RPS6KC1: variants seen among roughly 807,000 people sequenced by gnomAD.
RPS6KC1 encodes the protein ribosomal protein S6 kinase C1.
RPS6KC1 carries 54 observed loss-of-function variants against 103.8 expected under a neutral mutation model. That is an observed-to-expected ratio of 0.52 (90% CI 0.42 to 0.65). The LOEUF (loss-of-function observed/expected upper bound fraction) is 0.65, where lower values mean the gene tolerates loss of function less well. Among genes scored for constraint, RPS6KC1 ranks in the 30% least tolerant of loss-of-function variants. RPS6KC1 has a pLI of 0.00. For missense variants in RPS6KC1, 1,151 were observed against 1,253.8 expected (o/e 0.92, Z 1.24); for synonymous variants, 439 against 438.7 (o/e 1.00, Z -0.01).
chr1:213,734,272 A>C, the RPS6KC1 span, among the ~76,000 whole-genome samples: 1 of 152,228 alleles, frequency 6.6e-6, no homozygotes, highest in Non-Finnish European at 1.5e-5. Flanking sequence ...CTTTGTCATG[A>C]AATAACCTCA....
chr1:213,132,645 C>T (rs2085775346), intron 6 of RPS6KC1, among the ~76,000 whole-genome samples: 1 of 152,096 alleles, frequency 6.6e-6, no homozygotes, highest in Non-Finnish European at 1.5e-5. Context: ...AAAGTTTGTT[C>T]TGGGGTAACA....
At chr1:213,437,652 A>G in the RPS6KC1 span, among the ~76,000 whole-genome samples, 1 of 152,016 alleles carries the variant, frequency 6.6e-6, no homozygotes, top group Non-Finnish European at 1.5e-5. Flanking sequence ...TACTAAATAG[A>G]TACACACTAT....
At chr1:213,204,403 C>T (rs1009770109) in intron 8 of RPS6KC1, among the ~76,000 whole-genome samples, 2 of 151,996 alleles carry the variant, frequency 1.3e-5, no homozygotes, top group Admixed American at 1.3e-4. Flanking sequence ...TTTTTAATAA[C>T]CAGAAAGATA....
chr1:213,070,601 A>G (rs559817504), intron 1 of RPS6KC1, among the ~76,000 whole-genome samples: 3 of 152,334 alleles, frequency 2.0e-5, no homozygotes, highest in South Asian at 2.1e-4. Context: ...CAGAAAAGGA[A>G]ACTGAAACAG....
At chr1:213,385,651 T>G in the RPS6KC1 span, among the ~76,000 whole-genome samples, 3 of 152,344 alleles carry the variant, frequency 2.0e-5, no homozygotes, top group East Asian at 5.8e-4. Context: ...TGTACTGACT[T>G]GGAGGATATT....
the RPS6KC1 span, among the ~76,000 whole-genome samples, chr1:213,495,420 C>G: frequency 6.6e-6 from 1 of 152,068 alleles, no homozygotes; most frequent in African/African-American, 2.4e-5. Context: ...CTCCCGGGTT[C>G]AAGCGATTCT....
the RPS6KC1 span, among the ~76,000 whole-genome samples, chr1:213,322,486 G>A: frequency 7.2e-5 from 11 of 152,244 alleles, no homozygotes; most frequent in South Asian, 2.1e-4. Flanking sequence ...GGGCAGAGCC[G>A]GTAGACCAGT....
chr1:213,407,254 A>G, the RPS6KC1 span, among the ~76,000 whole-genome samples: 1 of 151,960 alleles, frequency 6.6e-6, no homozygotes, highest in Admixed American at 6.5e-5. Context: ...ACACGCAGAG[A>G]GAGAGAGAGT....
the RPS6KC1 span, among the ~76,000 whole-genome samples, chr1:213,432,457 T>C: frequency 6.6e-6 from 1 of 152,252 alleles, no homozygotes; most frequent in Non-Finnish European, 1.5e-5. Flanking sequence ...AAATTTTGTT[T>C]AACAGTTTTA....
At chr1:213,203,980 C>T (rs2093258727) in intron 8 of RPS6KC1, among the ~76,000 whole-genome samples, 1 of 152,194 alleles carries the variant, frequency 6.6e-6, no homozygotes, top group South Asian at 2.1e-4. Context: ...GCTGGAAGCT[C>T]CTATTCTTCC....
intron 6 of RPS6KC1, among the ~76,000 whole-genome samples, chr1:213,151,889 A>T (rs192788178): frequency 3.4e-5 from 3 of 87,444 alleles, no homozygotes; most frequent in South Asian, 4.4e-4. Context: ...CTGATCCCCC[A>T]ACCTCCCTCC....
intron 1 of RPS6KC1, among the ~76,000 whole-genome samples, chr1:213,060,704 A>G (rs1437842229): frequency 2.0e-5 from 3 of 152,190 alleles, no homozygotes; most frequent in Non-Finnish European, 4.4e-5. Flanking sequence ...TTGAACCTTG[A>G]TTGGAAAATA....
At chr1:213,659,010 G>T in the RPS6KC1 span, among the ~76,000 whole-genome samples, 1 of 151,626 alleles carries the variant, frequency 6.6e-6, no homozygotes, top group Non-Finnish European at 1.5e-5. Context: ...TGTCACCCAG[G>T]CTGGAGCTCA....
the RPS6KC1 span, among the ~76,000 whole-genome samples, chr1:213,456,356 C>G: frequency 6.6e-6 from 1 of 152,140 alleles, no homozygotes; most frequent in African/African-American, 2.4e-5. Context: ...GATAGTCTGA[C>G]CAGCCCCTGG....
chr1:213,706,149 T>C, the RPS6KC1 span, among the ~76,000 whole-genome samples: 4 of 152,116 alleles, frequency 2.6e-5, no homozygotes, highest in Non-Finnish European at 5.9e-5. Flanking sequence ...CAGTTTAGCA[T>C]TAGTACTCTC....
chr1:213,303,114 T>A, the RPS6KC1 span, among the ~76,000 whole-genome samples: 1 of 152,186 alleles, frequency 6.6e-6, no homozygotes, highest in Non-Finnish European at 1.5e-5. Flanking sequence ...CGTGGCAGCG[T>A]CTGGTGTATG....
Position 213,240,740 on chromosome 1 carries a change from A to G in RPS6KC1, c.1264A>G (p.Arg422Gly). 6.2e-7 allele frequency: 1 copy of G among 1,613,248 alleles called. No individual in the cohort carries two copies. The highest frequency in any genetic ancestry group is 8.5e-7 in the Non-Finnish European group (1 of 1,179,658). Residue 422 changes from arginine to glycine, a missense_variant, in exon 11 of 15, where the codon AGA becomes GGA. Around this residue, in one of 3 missense-constraint regions of RPS6KC1, gnomAD observed 959 missense variants for 1,006.3 expected, o/e 0.95. Transcript: ENST00000366960. ...GTCATATATCAGTAAATTTCTAAAC[A>G]GAAGTCCTGAAGAAAGCTTTGACAT... ...LWSYISKFLNRSPEESFDIKE... is the reference protein window; with the variant it reads ...LWSYISKFLNGSPEESFDIKE...
At chr1:213,546,906 C>T in the RPS6KC1 span, among the ~76,000 whole-genome samples, 11 of 152,270 alleles carry the variant, frequency 7.2e-5, no homozygotes, top group African/African-American at 2.2e-4. Flanking sequence ...TTTGCCATGG[C>T]CTTGGCATGC....
Position 213,274,304 on chromosome 1 carries a change from A to T in RPS6KC1, c.*1670A>T, listed in dbSNP as rs2149203912. On this transcript the variant is annotated 3_prime_UTR_variant, in exon 15 of 15. Transcript: ENST00000366960. ...GACTTCCTGTGTAGGACTAGTAGGAAATCTGCAAGTACTTAGAGCTGGCCA... is the reference window on the plus strand; with the variant it reads ...GACTTCCTGTGTAGGACTAGTAGGATATCTGCAAGTACTTAGAGCTGGCCA... 6.6e-6 allele frequency: 1 copy of T among 152,312 alleles called. No homozygotes were observed. The highest frequency in any genetic ancestry group is 1.5e-5 in the Non-Finnish European group (1 of 68,034). The allele number at this position is 152,312 out of a possible 1,614,324, so 9.4% of individuals were successfully genotyped here.
Sources: gnomAD v4.1 joint callset for allele counts (sites outside exome capture counted in the v4.1 genomes callset) on GRCh38, gnomAD v4.1.1 for gene constraint, gnomAD v4.1.1 regional missense constraint, MANE v1.5 for transcripts, NCBI Gene and HGNC (gene_info 2026-07-23, HGNC 2026-07-21) for gene names.